The following RARB variants were observed in gnomAD, a reference collection of about 807,000 sequenced individuals.
RARB encodes retinoic acid receptor beta.
In RARB, 17 loss-of-function variants were observed where a neutral mutation model predicts 51.9. The ratio of observed to expected loss-of-function variants is 0.33; its 90% CI spans 0.22 to 0.49. The LOEUF (loss-of-function observed/expected upper bound fraction) is 0.49. RARB is among the 20% of genes least tolerant of loss of function. The probability of loss-of-function intolerance (pLI) is 0.99; values close to 1 mark genes in which losing one functional copy is unlikely to be tolerated. For missense variants in RARB, 369 were observed against 550.8 expected, an observed-to-expected ratio of 0.67 and a Z score of 3.30; for synonymous variants, 215 against 195.4, an observed-to-expected ratio of 1.10 and a Z score of -0.84.
At chr3:24,944,997 G>A (rs1241450281) in intron 2 of RARB, among the ~76,000 whole-genome samples, 1 of 152,176 alleles carries the variant, frequency 6.6e-6, no homozygotes, top group Admixed American at 6.5e-5. Flanking sequence ...GAAAATACAC[G>A]TGTGTGAACA....
intron 5 of RARB, among the ~76,000 whole-genome samples, chr3:25,584,588 G>T (rs1279805765): frequency 6.6e-6 from 1 of 152,202 alleles, no homozygotes; most frequent in Non-Finnish European, 1.5e-5. Flanking sequence ...GGAAGCCCCG[G>T]CAGGTTGGAG....
intron 3 of RARB, among the ~76,000 whole-genome samples, chr3:25,508,060 G>A (rs1697697684): frequency 6.6e-6 from 1 of 152,114 alleles, no homozygotes; most frequent in South Asian, 2.1e-4. Context: ...TTGAGTGATG[G>A]GCAAAACATG....
At chr3:25,276,808 C>T (rs1011088762) in intron 5 of RARB, among the ~76,000 whole-genome samples, 4 of 152,122 alleles carry the variant, frequency 2.6e-5, no homozygotes, top group South Asian at 4.1e-4. Context: ...TCAAACCAAT[C>T]GCTTCATAAG....
chr3:25,596,717 A>AAGAT lies in RARB; in HGVS notation c.*103_*106dup, dbSNP rs1335591626. ...ACTGCTGCTTAGTTTTTGGACTGAAAAGATATTAAAACTCAAGAAGGACCA... is the reference window on the plus strand; with the variant it reads ...ACTGCTGCTTAGTTTTTGGACTGAAAAGATAGATATTAAAACTCAAGAAGGACCA... On this transcript the variant is annotated 3_prime_UTR_variant, in exon 8 of 8. Coordinates refer to ENST00000330688, the MANE Select transcript of RARB (RefSeq NM_000965.5). 1.8e-6 allele frequency: 2 copies of AAGAT among 1,090,068 alleles called. No homozygotes were observed. The highest frequency in any genetic ancestry group is 2.6e-6 in the Non-Finnish European group (2 of 775,184). The allele number at this position is 1,090,068 out of a possible 1,614,324, so 67.5% of individuals were successfully genotyped here. A position where few individuals can be genotyped will look rare whatever the true frequency, so the allele number is the denominator to read the frequency against.
chr3:25,294,399 A>G (rs1465010166), intron 5 of RARB, among the ~76,000 whole-genome samples: 2 of 152,204 alleles, frequency 1.3e-5, no homozygotes, highest in Non-Finnish European at 2.9e-5. Flanking sequence ...GCATCCAATA[A>G]GGAAAAATAA....
intron 2 of RARB, among the ~76,000 whole-genome samples, chr3:24,867,146 ATTGT>A (rs894140335): frequency 6.6e-6 from 1 of 152,106 alleles, no homozygotes; most frequent in Non-Finnish European, 1.5e-5. Context: ...ATGGCTGGCA[ATTGT>A]TTATGTCTAC....
chr3:25,306,788 A>T (rs187346424), intron 5 of RARB, among the ~76,000 whole-genome samples: 1 of 152,352 alleles, frequency 6.6e-6, no homozygotes, highest in East Asian at 1.9e-4. Flanking sequence ...CCATTATAAT[A>T]ATGCCTGATT....
intron 5 of RARB, among the ~76,000 whole-genome samples, chr3:25,309,540 C>T (rs1335001230): frequency 1.4e-5 from 2 of 140,440 alleles, no homozygotes; most frequent in African/African-American, 2.7e-5. Flanking sequence ...CCCTGTCGCC[C>T]AGGCTGGAGT....
At position 24,895,303 on chromosome 3, in the gene RARB, T is replaced by A. The variant is rs958653460; in HGVS notation, c.-380+36551T>A. Among the ~76,000 whole-genome samples the A allele has an allele frequency of 2.6e-5, 4 of 152,224 alleles. No homozygotes were observed. In the South Asian group the frequency reaches 8.3e-4, roughly 32 times the overall value. ...TTTACAGCCAGGTTCCAGTTAGATTTGATATTACTTTTATTAATCCCTAGC... is the reference window on the plus strand; with the variant it reads ...TTTACAGCCAGGTTCCAGTTAGATTAGATATTACTTTTATTAATCCCTAGC... On this transcript the variant is annotated intron_variant, in intron 2 of 11. Transcript: ENST00000383772.
chr3:24,918,686 C>T (rs1476748529), intron 2 of RARB, among the ~76,000 whole-genome samples: 1 of 152,136 alleles, frequency 6.6e-6, no homozygotes, highest in African/African-American at 2.4e-5. Context: ...AGTTCAAGAC[C>T]ATCCTGGCCA....
intron 3 of RARB, among the ~76,000 whole-genome samples, chr3:25,067,239 G>A (rs368320228): frequency 2.6e-5 from 4 of 152,180 alleles, no homozygotes; most frequent in Non-Finnish European, 5.9e-5. Context: ...GATACTGCCC[G>A]AGAGAGTATG....
chr3:25,034,388 A>G (rs1035447556), intron 2 of RARB, among the ~76,000 whole-genome samples: 7 of 152,206 alleles, frequency 4.6e-5, no homozygotes, highest in Non-Finnish European at 8.8e-5. Flanking sequence ...TTGTGACTTA[A>G]AGGATGTTTC....
chr3:25,018,336 T>A (rs1697559125), intron 2 of RARB, among the ~76,000 whole-genome samples: 1 of 152,188 alleles, frequency 6.6e-6, no homozygotes, highest in East Asian at 1.9e-4. Flanking sequence ...AGTATAATCA[T>A]TCTTCCCCCT....
chr3:25,034,128 G>T (rs1294926528), intron 2 of RARB, among the ~76,000 whole-genome samples: 2 of 152,146 alleles, frequency 1.3e-5, no homozygotes, highest in East Asian at 1.9e-4. Flanking sequence ...TGGCCAACAT[G>T]GTGAAACCCC....
intron 2 of RARB, among the ~76,000 whole-genome samples, chr3:24,949,122 C>T (rs1180106317): frequency 6.6e-6 from 1 of 152,168 alleles, no homozygotes; most frequent in East Asian, 1.9e-4. Flanking sequence ...CAGCATCTGC[C>T]TACCAACTTG....
chr3:25,417,957 G>C (rs1707752216), intron 5 of RARB, among the ~76,000 whole-genome samples: 2 of 149,380 alleles, frequency 1.3e-5, no homozygotes, highest in Non-Finnish European at 1.5e-5. Context: ...CCATCTTGTG[G>C]CCTTGCCTCC....
intron 1 of RARB, among the ~76,000 whole-genome samples, chr3:25,439,395 T>C (rs1011412744): frequency 2.6e-5 from 4 of 152,198 alleles, no homozygotes; most frequent in African/African-American, 9.7e-5. Context: ...TTTCAGTGAC[T>C]TCAAACATGT....
intron 2 of RARB, among the ~76,000 whole-genome samples, chr3:24,868,162 C>G (rs1702884727): frequency 6.6e-6 from 1 of 152,100 alleles, no homozygotes; most frequent in Admixed American, 6.6e-5. Context: ...TTCAATAAAA[C>G]AGTATGAAAT....
intron 3 of RARB, among the ~76,000 whole-genome samples, chr3:25,106,836 T>C (rs1189017945): frequency 6.6e-6 from 1 of 152,078 alleles, no homozygotes; most frequent in African/African-American, 2.4e-5. Context: ...TTGCTGGAGC[T>C]ATGGCCCTAT....
Sources: allele counts gnomAD v4.1 joint callset (sites outside exome capture counted in the v4.1 genomes callset), GRCh38; gene constraint gnomAD v4.1.1; transcripts MANE v1.5; gene names NCBI Gene and HGNC (gene_info 2026-07-23, HGNC 2026-07-21).